Variants in TRIM24 observed in about 807,000 individuals in gnomAD.
TRIM24 encodes the protein tripartite motif containing 24.
TRIM24 carries 29 observed loss-of-function variants against 123.9 expected under a neutral mutation model. That is an observed-to-expected ratio of 0.23 (90% confidence interval 0.17 to 0.32). The LOEUF is 0.32. TRIM24 is among the 10% of genes least tolerant of loss of function. The pLI is 1.00. For missense variants in TRIM24, 932 were observed against 1,295.3 expected, an observed-to-expected ratio of 0.72 and a Z score of 4.31; for synonymous variants, 456 against 461.1, an observed-to-expected ratio of 0.99 and a Z score of 0.14.
intron 6 of TRIM24, among the ~76,000 whole-genome samples, chr7:138,533,492 G>A (rs888413492): frequency 5.9e-5 from 9 of 152,094 alleles, no homozygotes; most frequent in Non-Finnish European, 1.2e-4. Context: ...TTTGTCTTTG[G>A]TTCTGTTTAT....
intron 1 of TRIM24, among the ~76,000 whole-genome samples, chr7:138,482,916 T>C (rs1649861035): frequency 6.6e-6 from 1 of 151,968 alleles, no homozygotes; most frequent in Non-Finnish European, 1.5e-5. Flanking sequence ...TTTTATGTCT[T>C]AATTTGTTTT....
chr7:138,466,193 C>T (rs1261242762), intron 1 of TRIM24, among the ~76,000 whole-genome samples: 1 of 152,140 alleles, frequency 6.6e-6, no homozygotes, highest in Admixed American at 6.5e-5. Context: ...CAGGGTTTCA[C>T]CATGTTGGCC....
chr7:138,572,454 G>A (rs1393369878), intron 11 of TRIM24, among the ~76,000 whole-genome samples: 2 of 118,986 alleles, frequency 1.7e-5, no homozygotes, highest in Non-Finnish European at 3.8e-5. Flanking sequence ...CGAACCCACA[G>A]AAAGTAAAAT....
chr7:138,477,920 G>T (rs1456705111), intron 1 of TRIM24, among the ~76,000 whole-genome samples: 1 of 152,108 alleles, frequency 6.6e-6, no homozygotes, highest in African/African-American at 2.4e-5. Context: ...ATTGAAAAGG[G>T]TTTGCAGTTC....
At chr7:138,516,875 G>C (rs551335217) in intron 3 of TRIM24, among the ~76,000 whole-genome samples, 3 of 147,978 alleles carry the variant, frequency 2.0e-5, no homozygotes, top group Admixed American at 6.8e-5. Context: ...TTGGGAGGCC[G>C]AAGTGGGATG....
At position 138,550,393 on chromosome 7, in the gene TRIM24, G is replaced by A. The variant is rs1024301073; in HGVS notation, c.1144-670G>A. Among the ~76,000 whole-genome samples the A allele has an allele frequency of 2.6e-5, 4 of 151,868 alleles. No homozygotes were observed. In the South Asian group the frequency reaches 8.3e-4, roughly 32 times the overall value. On this transcript the variant is annotated intron_variant, in intron 7 of 18. Transcript: ENST00000343526. ...GGTTTGTAGGATTATTGGTATTTGG[G>A]CACTAGAGGAAGTGAATCATTTGGT...
intron 9 of TRIM24, among the ~76,000 whole-genome samples, chr7:138,566,672 C>CT (rs1169503400): frequency 6.6e-6 from 1 of 151,896 alleles, no homozygotes; most frequent in African/African-American, 2.4e-5. Context: ...AGCTGTGTGA[C>CT]TTTTTTCAAA....
chr7:138,532,477 T>C (rs1467758150), intron 6 of TRIM24, among the ~76,000 whole-genome samples: 2 of 152,240 alleles, frequency 1.3e-5, no homozygotes, highest in African/African-American at 4.8e-5. Flanking sequence ...TAGGGAATCC[T>C]TTCCCCATTG....
chr7:138,472,165 G>A (rs1795285574), intron 1 of TRIM24, among the ~76,000 whole-genome samples: 1 of 151,910 alleles, frequency 6.6e-6, no homozygotes, highest in Admixed American at 6.6e-5. Context: ...AATGGGATAA[G>A]GTAATACTTA....
chr7:138,520,318 TCAG>T (rs1396109216), intron 4 of TRIM24, among the ~76,000 whole-genome samples: 1 of 152,200 alleles, frequency 6.6e-6, no homozygotes, highest in Non-Finnish European at 1.5e-5. Context: ...GGACTAAAGC[TCAG>T]CAACTAAAAT....
chr7:138,508,708 CGTGTGTGTGT>C (rs61703393), intron 2 of TRIM24, among the ~76,000 whole-genome samples: 1 of 136,192 alleles, frequency 7.3e-6, no homozygotes, highest in Non-Finnish European at 1.6e-5. Flanking sequence ...CGCGTGTGTG[CGTGTGTGTGT>C]GCGTGTGTGT....
At chr7:138,515,399 T>TC (rs778959171) in intron 3 of TRIM24, 40 bp downstream of exon 3, 1 of 1,600,658 alleles carries the variant, frequency 6.2e-7, no homozygotes, top group African/African-American at 1.3e-5. Flanking sequence ...CTTCTATCTT[T>TC]CCCCGTCTTT....
rs1224612357 is a variant in TRIM24, at chr7:138,516,808, G to GTTTT, written c.631+1450_631+1453dup. 2.3e-5 allele frequency among the ~76,000 whole-genome samples: 3 copies of GTTTT among 131,908 alleles called. 1 individual carries two copies. Among genetic ancestry groups the GTTTT allele is most frequent in the African/African-American group, 8.7e-5 (3 of 34,512 alleles). 86.5% of individuals were successfully genotyped at this position (131,908 alleles called of 152,430 possible). On this transcript the variant is annotated intron_variant, in intron 3 of 18. Transcript: ENST00000343526. Reference sequence around the variant, plus strand: ...GCATGTATCAAAATGTAGCAAAACCGTTTTGTTTTTTTTTTTTTTTTGAGA... The same window carrying GTTTT: ...GCATGTATCAAAATGTAGCAAAACCGTTTTTTTTGTTTTTTTTTTTTTTTTGAGA...
At chr7:138,480,065 A>G (rs1795494555) in intron 1 of TRIM24, among the ~76,000 whole-genome samples, 1 of 150,798 alleles carries the variant, frequency 6.6e-6, no homozygotes, top group Non-Finnish European at 1.5e-5. Context: ...GTGATCCACT[A>G]GCTTCAGCCT....
intron 1 of TRIM24, among the ~76,000 whole-genome samples, chr7:138,486,056 A>C (rs943541519): frequency 7.2e-5 from 11 of 152,044 alleles, no homozygotes; most frequent in African/African-American, 2.7e-4. Context: ...ATGGTATCTC[A>C]TTGTGGTTTT....
At position 138,581,681 on chromosome 7, in the gene TRIM24, A is replaced by G; in HGVS notation, c.2719-16A>G. On this transcript the variant is annotated splice_polypyrimidine_tract_variant and intron_variant, in intron 16 of 18. Coordinates refer to ENST00000343526, the MANE Select transcript of TRIM24 (RefSeq NM_015905.3). ...TTTATAATATTTTATCTCAGTTTTTATTTATTTTTGCTTAGAAGTGTGAGC... is the reference window on the plus strand; with the variant it reads ...TTTATAATATTTTATCTCAGTTTTTGTTTATTTTTGCTTAGAAGTGTGAGC... The G allele has an allele frequency of 6.3e-7, 1 of 1,595,842 alleles. No homozygotes were observed. Among genetic ancestry groups the G allele is most frequent in the Non-Finnish European group, 8.6e-7 (1 of 1,169,076 alleles).
At chr7:138,512,868 G>T (rs1371068261) in intron 2 of TRIM24, among the ~76,000 whole-genome samples, 2 of 152,124 alleles carry the variant, frequency 1.3e-5, no homozygotes, top group African/African-American at 4.8e-5. Flanking sequence ...CCTACCACAT[G>T]GCCAGGCTGC....
intron 9 of TRIM24, among the ~76,000 whole-genome samples, chr7:138,559,213 C>T (rs1157804400): frequency 6.6e-6 from 1 of 152,124 alleles, no homozygotes; most frequent in East Asian, 1.9e-4. Context: ...TCCTAAGTGG[C>T]TCCCTGCGCA....
intron 1 of TRIM24, among the ~76,000 whole-genome samples, chr7:138,497,646 C>T (rs1232787465): frequency 6.6e-6 from 1 of 151,834 alleles, no homozygotes; most frequent in Non-Finnish European, 1.5e-5. Context: ...CCGTCCGCCT[C>T]GGTCTCTCAA....
Sources: gnomAD v4.1 joint callset for allele counts (sites outside exome capture counted in the v4.1 genomes callset) on GRCh38, gnomAD v4.1.1 for gene constraint, MANE v1.5 for transcripts, NCBI Gene and HGNC (gene_info 2026-07-23, HGNC 2026-07-21) for gene names.